Variants in YAP1 observed in about 807,000 individuals in gnomAD.
YAP1 encodes Yes1 associated transcriptional regulator, also known as transcriptional coactivator YAP1.
In YAP1, 5 loss-of-function variants were observed where a neutral mutation model predicts 56.9. The observed-to-expected ratio is 0.09, with a 90% CI of 0.05 to 0.18. The LOEUF (loss-of-function observed/expected upper bound fraction) is 0.18. YAP1 is among the 10% of genes least tolerant of loss of function. YAP1 has a pLI of 1.00. For missense variants in YAP1, 539 were observed against 651.8 expected, an observed-to-expected ratio of 0.83 and a Z score of 1.88; for synonymous variants, 265 against 248.1, an observed-to-expected ratio of 1.07 and a Z score of -0.64.
chr11:102,110,830 G>C lies in YAP1; in HGVS notation c.-19G>C. 1 of 1,385,026 alleles carries C rather than the reference G, an allele frequency of 7.2e-7. No individual in the cohort carries two copies. 85.8% of individuals were successfully genotyped at this position (1,385,026 alleles called of 1,614,324 possible). ...CGCTCGCCTGGGTCAGGGGGTGCGCGTCGGGGGAGGCAGAAGCCATGGATC... is the reference window on the plus strand; with the variant it reads ...CGCTCGCCTGGGTCAGGGGGTGCGCCTCGGGGGAGGCAGAAGCCATGGATC... On this transcript the variant is annotated 5_prime_UTR_variant, in exon 1 of 9. Transcript: ENST00000282441.
At chr11:102,182,606 T>A (rs1229631065) in intron 3 of YAP1, among the ~76,000 whole-genome samples, 1 of 152,230 alleles carries the variant, frequency 6.6e-6, no homozygotes, top group Non-Finnish European at 1.5e-5. Context: ...TCTTTTTTTG[T>A]GAATAAAGCC....
intron 6 of YAP1, among the ~76,000 whole-genome samples, chr11:102,213,883 G>A (rs1179991865): frequency 1.3e-5 from 2 of 152,196 alleles, no homozygotes; most frequent in Non-Finnish European, 2.9e-5. Context: ...TCCGAGACCT[G>A]CCTGGCCAAT....
intron 2 of YAP1, among the ~76,000 whole-genome samples, chr11:102,152,600 T>C (rs1185405575): frequency 6.6e-6 from 1 of 152,216 alleles, no homozygotes; most frequent in Non-Finnish European, 1.5e-5. Context: ...CTTTCTGACA[T>C]TGTATTCTTC....
intron 8 of YAP1, among the ~76,000 whole-genome samples, chr11:102,228,618 G>A (rs929310398): frequency 1.1e-4 from 10 of 94,304 alleles, no homozygotes; most frequent in African/African-American, 3.7e-4. Flanking sequence ...CTGGGTGACA[G>A]AGCAAGACTC....
intron 6 of YAP1, among the ~76,000 whole-genome samples, chr11:102,222,101 T>C (rs192359366): frequency 3.3e-4 from 51 of 152,296 alleles, no homozygotes; most frequent in Non-Finnish European, 6.0e-4. Context: ...AATTGTAGTT[T>C]AGAAGTGGCA....
chr11:102,126,359 A>G (rs559581637), intron 2 of YAP1, among the ~76,000 whole-genome samples: 67 of 152,220 alleles, frequency 4.4e-4, no homozygotes, highest in Non-Finnish European at 8.4e-4. Context: ...TTTATCTCCC[A>G]GAATTCCTAC....
intron 5 of YAP1, among the ~76,000 whole-genome samples, chr11:102,207,583 G>T (rs867846762): frequency 1.3e-5 from 2 of 151,880 alleles, no homozygotes; most frequent in East Asian, 3.9e-4. Context: ...CTAAAGGTCT[G>T]TTTTTTGTTT....
At chr11:102,166,366 AATGTCACTGTAATCTTGATATACCTC>A (rs1233949607) in intron 3 of YAP1, among the ~76,000 whole-genome samples, 1 of 152,222 alleles carries the variant, frequency 6.6e-6, no homozygotes, top group Non-Finnish European at 1.5e-5. Flanking sequence ...TTTTGGAATG[AATGTCACTGTAATCTTGATATACCTC>A]ATGTTCACAT....
At chr11:102,128,544 C>T (rs954542411) in intron 2 of YAP1, among the ~76,000 whole-genome samples, 2 of 152,196 alleles carry the variant, frequency 1.3e-5, no homozygotes, top group African/African-American at 4.8e-5. Flanking sequence ...TCTTTATCAG[C>T]GTTGTGAAAA....
intron 3 of YAP1, among the ~76,000 whole-genome samples, chr11:102,184,042 A>G (rs1318168470): frequency 6.8e-6 from 1 of 146,486 alleles, no homozygotes; most frequent in East Asian, 2.0e-4. Context: ...CCGCCACTGC[A>G]CTCCAGCCTG....
chr11:102,144,217 G>A (rs11225149), intron 2 of YAP1, among the ~76,000 whole-genome samples: 76,714 of 152,030 alleles, frequency 0.5, 21,208 homozygotes, highest in South Asian at 0.69. Context: ...GATTATTTAT[G>A]CCTATATACA....
intron 1 of YAP1, chr11:102,112,643 C>G (rs1943027120): frequency 1.0e-6 from 1 of 985,060 alleles, no homozygotes; most frequent in South Asian, 4.7e-5. Context: ...GGTTTTGGAA[C>G]TCAGAAAAAA....
intron 3 of YAP1, 53 bp downstream of exon 3, chr11:102,162,624 A>G: frequency 1.3e-6 from 2 of 1,544,118 alleles, no homozygotes; most frequent in Non-Finnish European, 1.8e-6. Flanking sequence ...CGCATTGGTA[A>G]AAGTTGATGT....
In YAP1 at chr11:102,127,576, G is replaced by A. The variant is rs150421989; in HGVS notation, c.572+13182G>A. 2.7e-3 allele frequency among the ~76,000 whole-genome samples: 413 copies of A among 152,340 alleles called. 1 individual carries two copies. The highest frequency in any genetic ancestry group is 9.4e-3 in the African/African-American group (390 of 41,580). On this transcript the variant is annotated intron_variant, in intron 2 of 8. Transcript: ENST00000282441. ...GTGGGCAAAAGTTTGCTGCAGGGGC[G>A]GGGCCCTGATGGAGAACCTCTGCTA...
At position 102,110,671 on chromosome 11, in the gene YAP1, AGGCGCCGGGGCGGGGGATGCGGGGCCGC is replaced by A. The variant is rs1942834126; in HGVS notation, c.-172_-145del. ...GAGCCGGGGCGCAGGGCGGGGGCGG[AGGCGCCGGGGCGGGGGATGCGGGGCCGC>A]GGCGCAGCCCCCCGGCCCTGAGAGC... On this transcript the variant is annotated 5_prime_UTR_variant, in exon 1 of 9. An upstream start codon of the reference 5' UTR is lost. Transcript: ENST00000282441. 5 of 397,720 alleles carry A rather than the reference AGGCGCCGGGGCGGGGGATGCGGGGCCGC, an allele frequency of 1.3e-5. No individual in the cohort carries two copies. Among genetic ancestry groups the A allele is most frequent in the Admixed American group, 5.3e-5 (1 of 18,756 alleles). 24.6% of individuals were successfully genotyped at this position (397,720 alleles called of 1,614,324 possible).
At chr11:102,125,504 G>A (rs187665337) in intron 2 of YAP1, among the ~76,000 whole-genome samples, 186 of 151,764 alleles carry the variant, frequency 1.2e-3, no homozygotes, top group Non-Finnish European at 2.0e-3. Context: ...AGCCTCCAGA[G>A]TAGCTGGGAT....
chr11:102,178,162 T>A (rs1383013303), intron 3 of YAP1, among the ~76,000 whole-genome samples: 6 of 152,168 alleles, frequency 3.9e-5, no homozygotes, highest in Non-Finnish European at 5.9e-5. Context: ...GTGTACATAG[T>A]AAGAACAGTT....
chr11:102,116,989 A>G (rs1943325526), intron 2 of YAP1, among the ~76,000 whole-genome samples: 1 of 152,176 alleles, frequency 6.6e-6, no homozygotes, highest in Non-Finnish European at 1.5e-5. Flanking sequence ...CTTTATGAAC[A>G]TTATGCAATT....
At chr11:102,129,295 A>G (rs1035858923) in intron 2 of YAP1, among the ~76,000 whole-genome samples, 1 of 152,198 alleles carries the variant, frequency 6.6e-6, no homozygotes, top group Non-Finnish European at 1.5e-5. Flanking sequence ...AGAATGAGTT[A>G]GAATTTCATG....
Sources: gnomAD v4.1 joint callset for allele counts (sites outside exome capture counted in the v4.1 genomes callset) on GRCh38, gnomAD v4.1.1 for gene constraint, MANE v1.5 for transcripts, NCBI Gene and HGNC (gene_info 2026-07-23, HGNC 2026-07-21) for gene names.